CSMD1: variants seen among roughly 807,000 people sequenced by gnomAD.
The protein encoded by CSMD1 is CUB and sushi domain-containing protein 1.
A neutral mutation model predicts 417.5 loss-of-function variants in CSMD1; 213 were observed. The observed-to-expected ratio is 0.51, with a 90% CI of 0.46 to 0.57. The LOEUF is 0.57. Among genes scored for constraint, CSMD1 ranks in the 20% least tolerant of loss-of-function variants. The pLI, the probability that CSMD1 is intolerant of heterozygous loss-of-function variation, is 0.00. For synonymous variants in CSMD1, 2,862 were observed against 1,736.8 expected, an observed-to-expected ratio of 1.65 and a Z score of -16.11; for missense variants, 6,923 against 4,529.7, an observed-to-expected ratio of 1.53 and a Z score of -15.17.
At chr8:4,992,727 G>C (rs1475264681) in intron 1 of CSMD1, among the ~76,000 whole-genome samples, 1 of 152,222 alleles carries the variant, frequency 6.6e-6, no homozygotes, top group African/African-American at 2.4e-5. Context: ...CTCAGCAGGC[G>C]CTGCCTCCGC....
chr8:3,199,621 G>C (rs1044967799), intron 33 of CSMD1, 93 bp downstream of exon 33: 4 of 585,818 alleles, frequency 6.8e-6, no homozygotes, highest in African/African-American at 5.7e-5. Context: ...AAATGCAGCT[G>C]AGATGTTTTG....
intron 5 of CSMD1, among the ~76,000 whole-genome samples, chr8:3,942,064 C>A (rs1446791413): frequency 6.6e-6 from 1 of 151,866 alleles, no homozygotes; most frequent in Non-Finnish European, 1.5e-5. Flanking sequence ...ATTGGGCATG[C>A]AAGGGATCTA....
chr8:3,783,266 G>A (rs115238599), intron 5 of CSMD1, among the ~76,000 whole-genome samples: 1 of 152,106 alleles, frequency 6.6e-6, no homozygotes, highest in Admixed American at 6.5e-5. Flanking sequence ...GGAAAAACTG[G>A]TTTTTTGCAA....
At chr8:4,183,886 G>A (rs148529113) in intron 3 of CSMD1, among the ~76,000 whole-genome samples, 3 of 152,284 alleles carry the variant, frequency 2.0e-5, no homozygotes, top group South Asian at 2.1e-4. Context: ...GTTGGGGCAT[G>A]TGGACAGTTT....
chr8:3,435,505 C>CCCACTCTCTCCACCTCT (rs1203643337), intron 12 of CSMD1, among the ~76,000 whole-genome samples: 3 of 152,078 alleles, frequency 2.0e-5, no homozygotes, highest in Non-Finnish European at 4.4e-5. Context: ...ATTCCTGAAG[C>CCCACTCTCTCCACCTCT]CCACTCTGTC....
intron 7 of CSMD1, among the ~76,000 whole-genome samples, chr8:3,619,752 G>T (rs937999733): frequency 1.3e-5 from 2 of 151,824 alleles, no homozygotes; most frequent in Admixed American, 1.3e-4. Flanking sequence ...ACTATCAACA[G>T]GTTTCTCCAT....
chr8:4,761,381 TG>T (rs1812032540), intron 1 of CSMD1, among the ~76,000 whole-genome samples: 1 of 152,032 alleles, frequency 6.6e-6, no homozygotes, highest in African/African-American at 2.4e-5. Context: ...GGTGTGTGTG[TG>T]TGTATATATA....
At chr8:3,551,018 G>C (rs1047775762) in intron 10 of CSMD1, among the ~76,000 whole-genome samples, 1 of 152,158 alleles carries the variant, frequency 6.6e-6, no homozygotes, top group African/African-American at 2.4e-5. Flanking sequence ...CAATGCATTA[G>C]TCAGGATCAG....
rs192252695 is a variant in CSMD1 at position 3,636,249 on chromosome 8, G to T, written c.1010-19452C>A. Among the ~76,000 whole-genome samples, 8 of 152,248 alleles carry T rather than the reference G, an allele frequency of 5.3e-5. No homozygotes were observed. In the East Asian group the frequency reaches 1.5e-3, roughly 29 times the overall value. On this transcript the variant is annotated intron_variant, in intron 7 of 69. Coordinates refer to ENST00000635120, the MANE Select transcript of CSMD1 (RefSeq NM_033225.6). ...CAGGCGTGGAACTGTCATTTTCTAG[G>T]ACAACGATGCCTTCTTCTGGAATCC...
chr8:3,347,690 A>C (rs975268377), intron 22 of CSMD1, among the ~76,000 whole-genome samples: 1 of 152,190 alleles, frequency 6.6e-6, no homozygotes, highest in Non-Finnish European at 1.5e-5. Context: ...GGTAGGTACA[A>C]TTGCATTTTG....
chr8:3,087,347 G>A (rs1397600240), intron 48 of CSMD1, 62 bp from the exon 49 acceptor site: 3 of 1,501,680 alleles, frequency 2.0e-6, no homozygotes, highest in Non-Finnish European at 2.8e-6. Flanking sequence ...CAGTGCCATT[G>A]CCTTTGTGAG....
Position 4,985,626 on chromosome 8 carries a change from A to C in CSMD1, c.85+8706T>G, listed in dbSNP as rs570389478. 5.3e-5 allele frequency among the ~76,000 whole-genome samples: 8 copies of C among 152,364 alleles called. No individual in the cohort carries two copies. In the East Asian group the frequency reaches 1.5e-3, roughly 29 times the overall value. ...TAGTTCTACCCAGATCACATTAATC[A>C]ATAAAACTAATTCCACCTAACAGTA... On this transcript the variant is annotated intron_variant, in intron 1 of 69. Transcript: ENST00000635120.
At chr8:4,137,761 A>C (rs1297484903) in intron 3 of CSMD1, among the ~76,000 whole-genome samples, 1 of 78,034 alleles carries the variant, frequency 1.3e-5, no homozygotes, top group Non-Finnish European at 3.9e-5. Flanking sequence ...ACACTTTCCT[A>C]AATTTCTCAA....
At chr8:3,953,108 C>T (rs1182948574) in intron 5 of CSMD1, among the ~76,000 whole-genome samples, 1 of 151,804 alleles carries the variant, frequency 6.6e-6, no homozygotes, top group Admixed American at 6.6e-5. Flanking sequence ...AAAGCTTTCT[C>T]TGAAAAGATC....
chr8:3,101,585 G>C (rs576205702), intron 46 of CSMD1, among the ~76,000 whole-genome samples: 3 of 151,892 alleles, frequency 2.0e-5, no homozygotes, highest in African/African-American at 4.8e-5. Context: ...ACCATGCCTG[G>C]CTAATTTTTT....
At position 4,146,593 on chromosome 8, in the gene CSMD1, CATTTTTTTTTTTT is replaced by C. The variant is rs1165315571; in HGVS notation, c.416-114507_416-114495del. Among the ~76,000 whole-genome samples, 41 of 90,762 alleles carry C rather than the reference CATTTTTTTTTTTT, an allele frequency of 4.5e-4. 8 individuals are homozygous for C. Among genetic ancestry groups the C allele is most frequent in the East Asian group, 3.2e-4 (1 of 3,170 alleles). The allele number at this position is 90,762 out of a possible 152,430, so 59.5% of individuals were successfully genotyped here. A position where few individuals can be genotyped will look rare whatever the true frequency, so the allele number is the denominator to read the frequency against. On this transcript the variant is annotated intron_variant, in intron 3 of 69. Coordinates refer to ENST00000635120, the MANE Select transcript of CSMD1 (RefSeq NM_033225.6). ...ATCTGTCTAAATGTTTATATGGACA[CATTTTTTTTTTTT>C]TTTTTTTTTTTTTTTTTTTTTTTGA...
At chr8:3,811,427 G>C (rs148293796) in intron 5 of CSMD1, among the ~76,000 whole-genome samples, 1 of 152,086 alleles carries the variant, frequency 6.6e-6, no homozygotes, top group Non-Finnish European at 1.5e-5. Context: ...CTTCATGTTC[G>C]ACTTACTGGG....
Position 2,951,139 on chromosome 8 carries a change from G to C in CSMD1, c.10176C>G (p.Ala3392=). The C allele has an allele frequency of 3.7e-6, 6 of 1,613,430 alleles. No homozygotes were observed. The highest frequency in any genetic ancestry group is 5.1e-6 in the Non-Finnish European group (6 of 1,179,568). The part of the protein sequence containing the change: ...SSKVNATFSE[A]SPVELKLTGI... The stretch of plus-strand genomic sequence containing the variant: ...CTGTCAACTTCAGCTCCACTGGCGA[G>C]GCTTCGCTGAAGGTGGCATTCACCT... The change falls in exon 66 of 70, where the codon GCC becomes GCG. Residue 3392 remains alanine (A), a synonymous_variant. Coordinates refer to ENST00000635120, the MANE Select transcript of CSMD1 (RefSeq NM_033225.6).
chr8:4,325,040 T>C (rs911447243), intron 3 of CSMD1, among the ~76,000 whole-genome samples: 3 of 152,108 alleles, frequency 2.0e-5, no homozygotes, highest in African/African-American at 7.2e-5. Flanking sequence ...TGTGGCTCCT[T>C]AAAATGGCTT....
Sources: allele counts gnomAD v4.1 joint callset (sites outside exome capture counted in the v4.1 genomes callset), GRCh38; gene constraint gnomAD v4.1.1; transcripts MANE v1.5; gene names NCBI Gene and HGNC (gene_info 2026-07-23, HGNC 2026-07-21).